Variants in VPS53 observed in about 807,000 individuals in gnomAD.
VPS53 encodes the protein VPS53 subunit of GARP complex.
VPS53 carries 70 observed loss-of-function variants against 107.0 expected under a neutral mutation model. That is an observed-to-expected ratio of 0.65 (90% CI 0.54 to 0.80). The LOEUF (loss-of-function observed/expected upper bound fraction) is 0.80. Ranked by LOEUF, VPS53 falls within the 30% of genes least tolerant of loss-of-function variation. The pLI is 0.00. For missense variants in VPS53, 917 were observed against 1,049.4 expected (o/e 0.87, Z 1.74); for synonymous variants, 409 against 393.3 (o/e 1.04, Z -0.47).
chr17:662,965 A>ATGG (rs1971534922), intron 4 of VPS53, among the ~76,000 whole-genome samples: 2 of 151,916 alleles, frequency 1.3e-5, no homozygotes, highest in African/African-American at 4.8e-5. Context: ...CCAGCACTTC[A>ATGG]GAGGCTGAGG....
intron 15 of VPS53, among the ~76,000 whole-genome samples, chr17:557,641 G>A (rs908978523): frequency 2.6e-5 from 4 of 151,968 alleles, no homozygotes; most frequent in Non-Finnish European, 4.4e-5. Context: ...GTGGAAAATT[G>A]TATTTAGAGA....
chr17:673,278 G>C (rs988988924), intron 4 of VPS53, among the ~76,000 whole-genome samples: 1 of 152,090 alleles, frequency 6.6e-6, no homozygotes, highest in African/African-American at 2.4e-5. Context: ...GGGTCAAGTC[G>C]CCTCTCTTTA....
intron 13 of VPS53, among the ~76,000 whole-genome samples, chr17:582,966 C>T (rs1003585042): frequency 4.1e-5 from 6 of 147,068 alleles, no homozygotes; most frequent in South Asian, 4.4e-4. Flanking sequence ...GAACCTAATG[C>T]GTTCCTAGAG....
chr17:665,695 C>A (rs183048861), intron 4 of VPS53, among the ~76,000 whole-genome samples: 1 of 152,204 alleles, frequency 6.6e-6, no homozygotes, highest in East Asian at 1.9e-4. Context: ...TGGTTGTGAC[C>A]GGAGTGTTGG....
At chr17:563,734 G>A (rs1913237303) in intron 13 of VPS53, among the ~76,000 whole-genome samples, 1 of 152,182 alleles carries the variant, frequency 6.6e-6, no homozygotes. Context: ...TAAAAACTAA[G>A]CAGCCTGGCT....
chr17:655,094 G>A (rs932513766), intron 6 of VPS53, among the ~76,000 whole-genome samples: 1 of 152,140 alleles, frequency 6.6e-6, no homozygotes, highest in Non-Finnish European at 1.5e-5. Context: ...CAGTTTCTAT[G>A]ACGATGCGCT....
intron 7 of VPS53, 138 bp from the exon 8 acceptor site, chr17:631,766 A>G: frequency 3.0e-6 from 2 of 662,342 alleles, no homozygotes; most frequent in South Asian, 3.6e-5. Context: ...GTGAGAGGTC[A>G]CATACTAGTT....
chr17:654,742 AAAAAAAAAAAAAG>A (rs1287454210), intron 6 of VPS53, among the ~76,000 whole-genome samples: 13 of 145,854 alleles, frequency 8.9e-5, no homozygotes, highest in African/African-American at 3.2e-4. Flanking sequence ...AACTCAAAAA[AAAAAAAAAAAAAG>A]AAAAAAGAAA....
chr17:635,657 C>G (rs1459047681), intron 7 of VPS53, among the ~76,000 whole-genome samples: 7 of 152,098 alleles, frequency 4.6e-5, no homozygotes, highest in Non-Finnish European at 8.8e-5. Context: ...ATAGGGAATC[C>G]TTTCCCCATT....
chr17:544,031 G>GACGA (rs1304094087), intron 17 of VPS53, among the ~76,000 whole-genome samples: 1 of 101,234 alleles, frequency 9.9e-6, no homozygotes, highest in Non-Finnish European at 1.7e-5. Context: ...GGCAGGGAGG[G>GACGA]AGGGAGGGAG....
At chr17:696,046 A>T (rs1330322883) in intron 4 of VPS53, among the ~76,000 whole-genome samples, 1 of 152,176 alleles carries the variant, frequency 6.6e-6, no homozygotes, top group Non-Finnish European at 1.5e-5. Flanking sequence ...CATGAAATAT[A>T]CCTCAACAGA....
chr17:617,783 C>T (rs1969219326), intron 11 of VPS53, among the ~76,000 whole-genome samples: 2 of 143,826 alleles, frequency 1.4e-5, no homozygotes, highest in South Asian at 2.3e-4. Context: ...TCCCGGGTAG[C>T]TGGGACTACA....
intron 7 of VPS53, among the ~76,000 whole-genome samples, chr17:640,068 A>T (rs1033100351): frequency 2.0e-5 from 3 of 152,080 alleles, no homozygotes; most frequent in African/African-American, 7.2e-5. Flanking sequence ...CTTCCTGGCC[A>T]CTTTGTTTAC....
chr17:549,726 G>A (rs16953512), intron 17 of VPS53, among the ~76,000 whole-genome samples: 2,879 of 152,244 alleles, frequency 0.019, 36 homozygotes, highest in East Asian at 0.051. Context: ...TACCAGCAGC[G>A]AGGGGATCAT....
At chr17:691,751 A>G (rs977157335) in intron 4 of VPS53, among the ~76,000 whole-genome samples, 2 of 152,202 alleles carry the variant, frequency 1.3e-5, no homozygotes, top group African/African-American at 2.4e-5. Context: ...GTCACTTAGC[A>G]GCCATCTCGG....
intron 4 of VPS53, among the ~76,000 whole-genome samples, chr17:672,390 T>A (rs1049258598): frequency 1.3e-5 from 2 of 151,884 alleles, no homozygotes; most frequent in African/African-American, 4.8e-5. Context: ...ACCAAGAGAG[T>A]CTTGAATGAG....
Position 564,047 on chromosome 17 carries a change from C to T in VPS53, c.1314-1302G>A, listed in dbSNP as rs533420959. ...GGCAGATCACTTGAGGACAGGAGTT[C>T]GAGACCAGCCTGGCCAACATGGCAA... On this transcript the variant is annotated intron_variant, in intron 13 of 21. Transcript: ENST00000437048. Among the ~76,000 whole-genome samples the T allele has an allele frequency of 1.6e-4, 24 of 151,448 alleles. 1 individual carries two copies. The South Asian group carries it at 4.0e-3, about 25-fold the overall frequency.
chr17:543,704 T>C (rs1353843031), intron 17 of VPS53, among the ~76,000 whole-genome samples: 1 of 150,972 alleles, frequency 6.6e-6, no homozygotes, highest in Non-Finnish European at 1.5e-5. Flanking sequence ...ATAACTACTT[T>C]TTCCAGAATC....
At chr17:652,726 T>C (rs1597440299) in intron 7 of VPS53, among the ~76,000 whole-genome samples, 1 of 152,222 alleles carries the variant, frequency 6.6e-6, no homozygotes, top group South Asian at 2.1e-4. Flanking sequence ...TGCAAAACAA[T>C]TATTGTTTTA....
Sources: allele counts gnomAD v4.1 joint callset (sites outside exome capture counted in the v4.1 genomes callset), GRCh38; gene constraint gnomAD v4.1.1; transcripts MANE v1.5; gene names NCBI Gene and HGNC (gene_info 2026-07-23, HGNC 2026-07-21).